SCGB1A1: variants seen among roughly 807,000 people sequenced by gnomAD.
The protein encoded by SCGB1A1 is secretoglobin family 1A member 1, also known as uteroglobin.
SCGB1A1 carries 8 observed loss-of-function variants against 7.5 expected under a neutral mutation model. The ratio of observed to expected loss-of-function variants is 1.07; its 90% CI spans 0.63 to 1.92. The LOEUF is 1.92. Among genes scored for constraint, SCGB1A1 ranks in the 30% most tolerant of loss-of-function variants. The pLI is 0.00. For synonymous variants in SCGB1A1, 44 were observed against 40.8 expected, an observed-to-expected ratio of 1.08 and a Z score of -0.30; for missense variants, 121 against 112.7, an observed-to-expected ratio of 1.07 and a Z score of -0.33.
intron 2 of SCGB1A1, among the ~76,000 whole-genome samples, chr11:62,422,625 G>T (rs1385228743): frequency 2.7e-5 from 4 of 145,674 alleles, no homozygotes; most frequent in African/African-American, 7.8e-5. Context: ...CCCAGACTAG[G>T]GTGCAATAGC....
intron 1 of SCGB1A1, 39 bp downstream of exon 1, chr11:62,419,189 G>A: frequency 7.1e-7 from 1 of 1,403,918 alleles, no homozygotes; most frequent in Middle Eastern, 1.9e-4. Flanking sequence ...CCTGGACTTA[G>A]GAACTCTCAG....
chr11:62,422,977 T>C, intron 2 of SCGB1A1, 82 bp from the exon 3 acceptor site: 1 of 1,326,874 alleles, frequency 7.5e-7, no homozygotes, highest in Non-Finnish European at 1.1e-6. Flanking sequence ...TTGAAGTTTC[T>C]GTGGCTCGTC....
chr11:62,421,473 TTTC>T (rs2134745605), intron 1 of SCGB1A1, among the ~76,000 whole-genome samples: 1 of 148,158 alleles, frequency 6.7e-6, no homozygotes, highest in East Asian at 2.0e-4. Context: ...TTTCTTTTCT[TTTC>T]TTCTTTTTCT....
chr11:62,422,612 T>C (rs899014517), intron 2 of SCGB1A1, among the ~76,000 whole-genome samples: 23 of 147,830 alleles, frequency 1.6e-4, no homozygotes, highest in Admixed American at 1.5e-3. Context: ...TCTCGCTCTG[T>C]CGCCCAGACT....
chr11:62,422,613 C>A (rs536490845), intron 2 of SCGB1A1, among the ~76,000 whole-genome samples: 2 of 131,332 alleles, frequency 1.5e-5, no homozygotes, highest in South Asian at 2.3e-4. Flanking sequence ...CTCGCTCTGT[C>A]GCCCAGACTA....
chr11:62,423,189 C>A lies in SCGB1A1; in HGVS notation c.*98C>A. 2.3e-6 allele frequency: 3 copies of A among 1,324,286 alleles called. No individual in the cohort carries two copies. The highest frequency in any genetic ancestry group is 1.4e-5 in the African/African-American group (1 of 69,126). 82.0% of individuals were successfully genotyped at this position (1,324,286 alleles called of 1,614,324 possible). ...CTTGCTCTCTTCAATAAACCACAAGCATCTCACTTTTGTGCCCCCTGCGTG... is the reference window on the plus strand; with the variant it reads ...CTTGCTCTCTTCAATAAACCACAAGAATCTCACTTTTGTGCCCCCTGCGTG... On this transcript the variant is annotated 3_prime_UTR_variant, in exon 3 of 3. Transcript: ENST00000278282.
intron 2 of SCGB1A1, among the ~76,000 whole-genome samples, 198 bp downstream of exon 2, chr11:62,422,606 G>T (rs577192281): frequency 2.4e-5 from 3 of 126,054 alleles, no homozygotes; most frequent in African/African-American, 9.4e-5. Context: ...ACAGAGTCTC[G>T]CTCTGTCGCC....
At chr11:62,420,999 A>G (rs1008636578) in intron 1 of SCGB1A1, among the ~76,000 whole-genome samples, 1 of 151,980 alleles carries the variant, frequency 6.6e-6, no homozygotes, top group Non-Finnish European at 1.5e-5. Flanking sequence ...AAAAAATAAA[A>G]TGAAGTAGGG....
In SCGB1A1 at chr11:62,422,218, C is replaced by A; in HGVS notation, c.56-3C>A. 1 of 1,604,924 alleles carries A rather than the reference C, an allele frequency of 6.2e-7. No individual in the cohort carries two copies. The highest frequency in any genetic ancestry group is 8.5e-7 in the Non-Finnish European group (1 of 1,173,864). On this transcript the variant is annotated splice_region_variant and splice_polypyrimidine_tract_variant and intron_variant, in intron 1 of 2. Transcript: ENST00000278282. ...CATGTGCCTTCTCTCCTCTGTGTTG[C>A]AGCTTCTGCAGAGATCTGCCCGAGC...
chr11:62,420,236 C>T (rs973171555), intron 1 of SCGB1A1, among the ~76,000 whole-genome samples: 1 of 151,710 alleles, frequency 6.6e-6, no homozygotes, highest in African/African-American at 2.4e-5. Context: ...TTTGTGTGCA[C>T]ATGCATACAA....
Position 62,423,125 on chromosome 11 carries a change from C to T in SCGB1A1, c.*34C>T. 6.2e-7 allele frequency: 1 copy of T among 1,608,330 alleles called. No homozygotes were observed. The highest frequency in any genetic ancestry group is 8.5e-7 in the Non-Finnish European group (1 of 1,174,804). On this transcript the variant is annotated 3_prime_UTR_variant, in exon 3 of 3. Coordinates refer to ENST00000278282, the MANE Select transcript of SCGB1A1 (RefSeq NM_003357.5). ...AGCTGAAGATCCCCAACTGCTCCAG[C>T]CTCTGCCGCTGCCATGCTTTGAGTC...
At chr11:62,419,881 T>C (rs139923014) in intron 1 of SCGB1A1, among the ~76,000 whole-genome samples, 110 of 152,276 alleles carry the variant, frequency 7.2e-4, no homozygotes, top group African/African-American at 2.5e-3. Flanking sequence ...GGGAACTGGG[T>C]TATCTAACTC....
At chr11:62,420,180 T>C (rs939268524) in intron 1 of SCGB1A1, among the ~76,000 whole-genome samples, 1 of 152,140 alleles carries the variant, frequency 6.6e-6, no homozygotes, top group African/African-American at 2.4e-5. Flanking sequence ...CTGAGCAAGA[T>C]AGGACTGCAA....
Position 62,419,070 on chromosome 11 carries a change from G to A in SCGB1A1, c.-26G>A, listed in dbSNP as rs3741240. 541,218 of 1,564,120 alleles carry A rather than the reference G, an allele frequency of 0.35. 95,587 individuals are homozygous for A. The highest frequency in any genetic ancestry group is 0.47 in the South Asian group (38,570 of 82,842). On this transcript the variant is annotated 5_prime_UTR_variant, in exon 1 of 3. Transcript: ENST00000278282. ...CAGACTCAGAGACGGAACCAGAGAC[G>A]GGCCAGAGCATCCCCCTCCTCCACC...
intron 2 of SCGB1A1, among the ~76,000 whole-genome samples, chr11:62,422,702 G>A (rs1019910718): frequency 6.6e-6 from 1 of 151,400 alleles, no homozygotes; most frequent in Admixed American, 6.6e-5. Flanking sequence ...AGCCTCTTGA[G>A]TAGCTGGGAT....
chr11:62,419,079 C>T lies in SCGB1A1; in HGVS notation c.-17C>T. On this transcript the variant is annotated 5_prime_UTR_variant, in exon 1 of 3. Transcript: ENST00000278282. ...AGACGGAACCAGAGACGGGCCAGAG[C>T]ATCCCCCTCCTCCACCATGAAACTC... 2 of 1,583,398 alleles carry T rather than the reference C, an allele frequency of 1.3e-6. No homozygotes were observed. The highest frequency in any genetic ancestry group is 1.7e-5 in the Admixed American group (1 of 57,760).
At chr11:62,420,500 G>T (rs928635707) in intron 1 of SCGB1A1, among the ~76,000 whole-genome samples, 1 of 150,854 alleles carries the variant, frequency 6.6e-6, no homozygotes, top group Non-Finnish European at 1.5e-5. Flanking sequence ...TTTTAGTAGA[G>T]ACAGGGTTTC....
At chr11:62,420,314 CTT>C (rs535582329) in intron 1 of SCGB1A1, among the ~76,000 whole-genome samples, 25 of 129,396 alleles carry the variant, frequency 1.9e-4, no homozygotes, top group Admixed American at 2.3e-4. Context: ...TCTTTTCATT[CTT>C]TTTTTTTTTT....
intron 2 of SCGB1A1, 107 bp from the exon 3 acceptor site, chr11:62,422,952 A>C: frequency 9.9e-7 from 1 of 1,006,744 alleles, no homozygotes; most frequent in Non-Finnish European, 1.6e-6. Flanking sequence ...AGTTGACTGC[A>C]CCTCTCGGTT....
Sources: gnomAD v4.1 joint callset for allele counts (sites outside exome capture counted in the v4.1 genomes callset) on GRCh38, gnomAD v4.1.1 for gene constraint, MANE v1.5 for transcripts, NCBI Gene and HGNC (gene_info 2026-07-23, HGNC 2026-07-21) for gene names.